RPS6KC1: variants seen among roughly 807,000 people sequenced by gnomAD.
The protein encoded by RPS6KC1 is inactive ribosomal protein S6 kinase delta-1.
RPS6KC1 carries 54 observed loss-of-function variants against 103.8 expected under a neutral mutation model. The ratio of observed to expected loss-of-function variants is 0.52; its 90% confidence interval spans 0.42 to 0.65. The LOEUF is 0.65. Ranked by LOEUF, RPS6KC1 falls within the 30% of genes least tolerant of loss-of-function variation. The pLI is 0.00. For missense variants in RPS6KC1, 1,151 were observed against 1,253.8 expected (o/e 0.92, Z 1.24); for synonymous variants, 439 against 438.7 (o/e 1.00, Z -0.01).
chr1:213,606,999 G>A, the RPS6KC1 span, among the ~76,000 whole-genome samples: 1 of 152,176 alleles, frequency 6.6e-6, no homozygotes. Flanking sequence ...ACCTGGGTTT[G>A]CCTGTTTACA....
the RPS6KC1 span, among the ~76,000 whole-genome samples, chr1:213,640,089 GGTTATCTACT>G: frequency 6.6e-6 from 1 of 151,620 alleles, no homozygotes; most frequent in Non-Finnish European, 1.5e-5. Flanking sequence ...GGATTTTTTG[GGTTATCTACT>G]GTTATCTACT....
At chr1:213,079,900 AC>A (rs1370133323) in intron 3 of RPS6KC1, among the ~76,000 whole-genome samples, 1 of 149,486 alleles carries the variant, frequency 6.7e-6, no homozygotes, top group Non-Finnish European at 1.5e-5. Flanking sequence ...ATAAGCTTAT[AC>A]CATTTTTTCT....
At chr1:213,795,472 A>G in the RPS6KC1 span, among the ~76,000 whole-genome samples, 32,244 of 152,060 alleles carry the variant, frequency 0.21, 5,266 homozygotes, top group African/African-American at 0.44. Context: ...CTTTCTCTAT[A>G]GTATGTGCTT....
At chr1:213,820,135 G>C in the RPS6KC1 span, 4 of 152,208 alleles carry the variant, frequency 2.6e-5, no homozygotes, top group African/African-American at 9.7e-5. Flanking sequence ...AGAAGGTATA[G>C]ACCTCATCGC....
chr1:213,495,252 G>C, the RPS6KC1 span, among the ~76,000 whole-genome samples: 3 of 152,036 alleles, frequency 2.0e-5, no homozygotes, highest in African/African-American at 7.2e-5. Context: ...ACTGTCCTAA[G>C]ACACATTAAT....
At chr1:213,647,354 A>T in the RPS6KC1 span, among the ~76,000 whole-genome samples, 1 of 152,326 alleles carries the variant, frequency 6.6e-6, no homozygotes, top group South Asian at 2.1e-4. Flanking sequence ...GAATGGCTAG[A>T]ATTTGTTTTT....
chr1:213,182,878 T>G (rs1221497361), intron 8 of RPS6KC1, among the ~76,000 whole-genome samples: 1 of 147,848 alleles, frequency 6.8e-6, no homozygotes, highest in African/African-American at 2.5e-5. Flanking sequence ...ATATCATATA[T>G]GATGCATATA....
the RPS6KC1 span, among the ~76,000 whole-genome samples, chr1:213,764,534 T>G: frequency 6.6e-6 from 1 of 152,322 alleles, no homozygotes; most frequent in Non-Finnish European, 1.5e-5. Flanking sequence ...CCTCTGTCTC[T>G]TCCCAATGCC....
the RPS6KC1 span, among the ~76,000 whole-genome samples, chr1:213,457,435 C>T: frequency 6.6e-6 from 1 of 152,224 alleles, no homozygotes; most frequent in Non-Finnish European, 1.5e-5. Flanking sequence ...GGATCTTCTG[C>T]CTGCATTAGT....
chr1:213,562,437 T>TGGAGTG, the RPS6KC1 span, among the ~76,000 whole-genome samples: 1 of 133,908 alleles, frequency 7.5e-6, no homozygotes, highest in Non-Finnish European at 1.5e-5. Flanking sequence ...TCGCTCAGGC[T>TGGAGTG]GGAGTGCAGT....
At chr1:213,293,704 C>T in the RPS6KC1 span, among the ~76,000 whole-genome samples, 1 of 152,054 alleles carries the variant, frequency 6.6e-6, no homozygotes, top group Non-Finnish European at 1.5e-5. Flanking sequence ...AGAAACTGTA[C>T]CCCAGGTGAC....
the RPS6KC1 span, among the ~76,000 whole-genome samples, chr1:213,773,211 C>T: frequency 9.5e-6 from 1 of 105,614 alleles, no homozygotes; most frequent in Non-Finnish European, 2.2e-5. Flanking sequence ...GTTTGAAACA[C>T]CATTCAGTCT....
intron 5 of RPS6KC1, among the ~76,000 whole-genome samples, chr1:213,121,159 C>A (rs1017316570): frequency 6.6e-6 from 1 of 152,150 alleles, no homozygotes; most frequent in African/African-American, 2.4e-5. Context: ...CTCTCGAACT[C>A]TTAGACGCAA....
intron 3 of RPS6KC1, among the ~76,000 whole-genome samples, chr1:213,078,841 G>T (rs1285654347): frequency 6.6e-6 from 1 of 151,912 alleles, no homozygotes; most frequent in African/African-American, 2.4e-5. Context: ...AACTCAGGTG[G>T]TACAGAAAAA....
At chr1:213,383,373 C>G in the RPS6KC1 span, among the ~76,000 whole-genome samples, 2 of 152,208 alleles carry the variant, frequency 1.3e-5, no homozygotes, top group Non-Finnish European at 2.9e-5. Flanking sequence ...TCTCCACAGC[C>G]CTCGAGGGGC....
chr1:213,475,607 C>A, the RPS6KC1 span, among the ~76,000 whole-genome samples: 1 of 152,154 alleles, frequency 6.6e-6, no homozygotes, highest in South Asian at 2.1e-4. Context: ...ACCCCACGTC[C>A]CTCCCGCTGC....
chr1:213,546,448 G>T, the RPS6KC1 span: 1 of 152,166 alleles, frequency 6.6e-6, no homozygotes, highest in Non-Finnish European at 1.5e-5. Flanking sequence ...CAAGAGGAGG[G>T]TAAGTTTGAA....
the RPS6KC1 span, among the ~76,000 whole-genome samples, chr1:213,447,385 A>G: frequency 2.0e-5 from 3 of 152,212 alleles, no homozygotes; most frequent in African/African-American, 7.2e-5. Flanking sequence ...CATCTGGCCT[A>G]TAATGCCAGT....
At chr1:213,616,370 G>A in the RPS6KC1 span, among the ~76,000 whole-genome samples, 2 of 152,202 alleles carry the variant, frequency 1.3e-5, no homozygotes, top group Non-Finnish European at 2.9e-5. Context: ...GACAGCAGGA[G>A]CCTGGAGCTG....
Sources: gnomAD v4.1 joint callset for allele counts (sites outside exome capture counted in the v4.1 genomes callset) on GRCh38, gnomAD v4.1.1 for gene constraint, MANE v1.5 for transcripts, NCBI Gene and HGNC (gene_info 2026-07-23, HGNC 2026-07-21) for gene names.